Variants in BCAS3 observed in about 807,000 individuals in gnomAD.
BCAS3 encodes BCAS3 microtubule associated cell migration factor, also known as BCAS4/BCAS3 fusion.
In BCAS3, 53 loss-of-function variants were observed where a neutral mutation model predicts 116.1. The observed-to-expected ratio is 0.46, with a 90% CI of 0.37 to 0.57. The LOEUF is 0.57. BCAS3 is among the 20% of genes least tolerant of loss of function. BCAS3 has a pLI of 0.00. For missense variants in BCAS3, 917 were observed against 1,165.4 expected (o/e 0.79, Z 3.10); for synonymous variants, 391 against 408.2 (o/e 0.96, Z 0.51).
intron 13 of BCAS3, among the ~76,000 whole-genome samples, chr17:60,937,545 T>C (rs2060000018): frequency 6.6e-6 from 1 of 152,240 alleles, no homozygotes; most frequent in Non-Finnish European, 1.5e-5. Context: ...GCAACATCCA[T>C]AGTGTTTGAA....
chr17:61,183,018 G>A (rs1262022606), intron 22 of BCAS3, among the ~76,000 whole-genome samples: 1 of 152,190 alleles, frequency 6.6e-6, no homozygotes. Context: ...TCTCCTGTGT[G>A]TCCATGCTGA....
At chr17:60,693,036 G>A (rs1033656656) in intron 4 of BCAS3, among the ~76,000 whole-genome samples, 1 of 151,760 alleles carries the variant, frequency 6.6e-6, no homozygotes, top group African/African-American at 2.4e-5. Flanking sequence ...GAGGTTGCCC[G>A]GCTAATTTTT....
Position 61,392,084 on chromosome 17 carries a change from G to A in BCAS3, c.2701G>A (p.Glu901Lys). The A allele has an allele frequency of 6.2e-7, 1 of 1,613,764 alleles. No individual in the cohort carries two copies. The highest frequency in any genetic ancestry group is 8.5e-7 in the Non-Finnish European group (1 of 1,179,988). Residue 901 changes from glutamate (E) to lysine (K), a missense_variant, in exon 24 of 24, where the codon GAG becomes AAG. Glu to Lys is a moderately conservative substitution (Grantham distance 56). Transcript: ENST00000407086. The surrounding 1 kb of genome is among the most constrained non-coding windows in gnomAD (Gnocchi z 6.4). ...DGYRSPLPTN[E>K]SQPLSLFPTG... ...CTACCGATCTCCGCTGCCCACCAAT[G>A]AGAGCCAGCCCCTCAGCCTCTTCCC... is the stretch of plus-strand genomic sequence containing the variant.
At chr17:61,195,532 T>A (rs1193996213) in intron 22 of BCAS3, among the ~76,000 whole-genome samples, 4 of 65,174 alleles carry the variant, frequency 6.1e-5, no homozygotes, top group Non-Finnish European at 1.6e-4. Context: ...GCTAAACTTT[T>A]CTTTTTCTTT....
Position 61,381,473 on chromosome 17 carries a change from G to T in BCAS3, c.2594-10504G>T, listed in dbSNP as rs768114524. ...TTGAGACACAGGCTGGGACCCCAAA[G>T]AGGGCAACAGAGGCCGTGCCCCAAC... is the stretch of plus-strand genomic sequence containing the variant. On this transcript the variant is annotated intron_variant, in intron 23 of 23. Transcript: ENST00000407086. The surrounding 1 kb of genome is among the most constrained non-coding windows in gnomAD (Gnocchi z 6.0). 6.6e-6 allele frequency among the ~76,000 whole-genome samples: 1 copy of T among 152,122 alleles called. No individual in the cohort carries two copies. The highest frequency in any genetic ancestry group is 1.5e-5 in the Non-Finnish European group (1 of 68,022).
At position 60,856,710 on chromosome 17, in the gene BCAS3, A is replaced by G. The variant is rs756316414; in HGVS notation, c.477-11866A>G. On this transcript the variant is annotated intron_variant, in intron 7 of 23. Coordinates refer to ENST00000407086, the MANE Select transcript of BCAS3 (RefSeq NM_017679.5). ...TCTCCAAAAAAATAAAAAAAAAATT[A>G]TAGATTCATTTAGATGAAAATGTTT... Among the ~76,000 whole-genome samples, 18 of 152,040 alleles carry G rather than the reference A, an allele frequency of 1.2e-4. 1 individual carries two copies. The highest frequency in any genetic ancestry group is 2.9e-5 in the Non-Finnish European group (2 of 67,986).
In BCAS3 at chr17:60,962,211, T is replaced by A. The variant is rs1174505729; in HGVS notation, c.1221+14859T>A. ...TTTGGCTATATACCTGGTAGCAGAA[T>A]TGCTGGATCATATGGTAATTCTGTT... On this transcript the variant is annotated intron_variant, in intron 14 of 23. Coordinates refer to ENST00000407086, the MANE Select transcript of BCAS3 (RefSeq NM_017679.5). The surrounding 1 kb of genome is among the most constrained non-coding windows in gnomAD (Gnocchi z 4.4). 6.6e-6 allele frequency among the ~76,000 whole-genome samples: 1 copy of A among 152,218 alleles called. No homozygotes were observed. The highest frequency in any genetic ancestry group is 1.9e-4 in the East Asian group (1 of 5,198).
intron 13 of BCAS3, among the ~76,000 whole-genome samples, chr17:60,941,128 C>T (rs2060199011): frequency 6.6e-6 from 1 of 152,182 alleles, no homozygotes; most frequent in Non-Finnish European, 1.5e-5. Context: ...AAACTTGAGG[C>T]TAAGAGTGAG....
At chr17:61,386,790 TTTTTTG>T (rs2059878168) in intron 23 of BCAS3, among the ~76,000 whole-genome samples, 1 of 113,760 alleles carries the variant, frequency 8.8e-6, no homozygotes, top group Non-Finnish European at 1.7e-5. Context: ...TTTGTTTTTG[TTTTTTG>T]TTTTTTTTTT....
chr17:61,176,525 C>CTGTTTGTTTGTT (rs1282147594), intron 22 of BCAS3, among the ~76,000 whole-genome samples: 9 of 145,530 alleles, frequency 6.2e-5, no homozygotes, highest in African/African-American at 2.3e-4. Flanking sequence ...TGTGTAATGT[C>CTGTTTGTTTGTT]TATTTATTTA....
chr17:61,016,181 T>C (rs1328988796), intron 16 of BCAS3, among the ~76,000 whole-genome samples: 2 of 152,236 alleles, frequency 1.3e-5, no homozygotes, highest in East Asian at 3.8e-4. Flanking sequence ...CGTCTTATGC[T>C]TACTGCCTTG....
rs1360845711 is a variant in BCAS3, at chr17:60,967,403, G to A, written c.1221+20051G>A. On this transcript the variant is annotated intron_variant, in intron 14 of 23. Transcript: ENST00000407086. This position sits in a 1 kb window ranked among gnomAD's most constrained non-coding sequence, Gnocchi z 4.7. ...TGGCTTATATGATTTACACTGGGAA[G>A]TCTGTTGCCAGACAAATTGGAGATA... is the stretch of plus-strand genomic sequence containing the variant. Among the ~76,000 whole-genome samples the A allele has an allele frequency of 6.6e-6, 1 of 152,180 alleles. No individual in the cohort carries two copies. Among genetic ancestry groups the A allele is most frequent in the African/African-American group, 2.4e-5 (1 of 41,446 alleles).
intron 22 of BCAS3, among the ~76,000 whole-genome samples, chr17:61,149,818 C>G (rs2077445933): frequency 6.6e-6 from 1 of 152,164 alleles, no homozygotes. Context: ...TATCAGCCTG[C>G]ATTTTTCCTC....
intron 13 of BCAS3, among the ~76,000 whole-genome samples, chr17:60,946,192 CAG>C (rs909599438): frequency 6.6e-6 from 1 of 152,202 alleles, no homozygotes; most frequent in African/African-American, 2.4e-5. Flanking sequence ...GGAGAAAAAA[CAG>C]TGTCTTCAAG....
rs2067470714 is a variant in BCAS3, at chr17:61,041,097, A to G, written c.2029+205A>G. Among the ~76,000 whole-genome samples the G allele has an allele frequency of 6.6e-6, 1 of 152,168 alleles. No homozygotes were observed. Among genetic ancestry groups the G allele is most frequent in the South Asian group, 2.1e-4 (1 of 4,834 alleles). ...CTCTGACTGCTTATATTCTTTACCT[A>G]TGAAATATATTTCTGTAATAAAAGT... On this transcript the variant is annotated intron_variant, in intron 19 of 23. Transcript: ENST00000407086. The surrounding 1 kb of genome is among the most constrained non-coding windows in gnomAD (Gnocchi z 4.7).
At chr17:60,732,700 G>A (rs536017512) in intron 5 of BCAS3, among the ~76,000 whole-genome samples, 9 of 152,202 alleles carry the variant, frequency 5.9e-5, no homozygotes, top group South Asian at 4.2e-4. Flanking sequence ...TTAGCTGGGC[G>A]TGGTGGTGCG....
intron 5 of BCAS3, among the ~76,000 whole-genome samples, chr17:60,716,723 A>T (rs76946098): frequency 0.012 from 1,846 of 152,044 alleles, 29 homozygotes; most frequent in East Asian, 0.043. Context: ...AAAAAAAAAA[A>T]AATAATAATA....
chr17:60,966,583 A>G (rs1450574442), intron 14 of BCAS3, among the ~76,000 whole-genome samples: 1 of 152,118 alleles, frequency 6.6e-6, no homozygotes, highest in Non-Finnish European at 1.5e-5. Flanking sequence ...CTTATCTTAG[A>G]TCACAAATAG....
At position 61,292,739 on chromosome 17, in the gene BCAS3, T is replaced by A. The variant is rs185282405; in HGVS notation, c.2426-75588T>A. ...GGCCAGGTTGGGAGAATACAGAGGG[T>A]CCCCTATTCTTATGCCCATATGTGT... is the stretch of plus-strand genomic sequence containing the variant. On this transcript the variant is annotated intron_variant, in intron 22 of 23. Transcript: ENST00000407086. Among the ~76,000 whole-genome samples, 145 of 151,974 alleles carry A rather than the reference T, an allele frequency of 9.5e-4. 1 individual carries two copies. Among genetic ancestry groups the A allele is most frequent in the African/African-American group, 3.3e-3 (137 of 41,434 alleles).
Sources: gnomAD v4.1 joint callset for allele counts (sites outside exome capture counted in the v4.1 genomes callset) on GRCh38, gnomAD v4.1.1 for gene constraint, Gnocchi (gnomAD v3.1) non-coding constraint, MANE v1.5 for transcripts, NCBI Gene and HGNC (gene_info 2026-07-23, HGNC 2026-07-21) for gene names.